Variants in HEXA observed in about 807,000 individuals in gnomAD.
The protein encoded by HEXA is beta-hexosaminidase subunit alpha.
A neutral mutation model predicts 73.3 loss-of-function variants in HEXA; 54 were observed. The observed-to-expected ratio is 0.74, with a 90% CI of 0.59 to 0.92. The LOEUF (loss-of-function observed/expected upper bound fraction) is 0.92. Ranked by LOEUF, HEXA falls within the 40% of genes least tolerant of loss-of-function variation. HEXA has a pLI of 0.00. For missense variants in HEXA, 649 were observed against 653.0 expected, an observed-to-expected ratio of 0.99 and a Z score of 0.07; for synonymous variants, 230 against 246.9, an observed-to-expected ratio of 0.93 and a Z score of 0.64.
intron 1 of HEXA, among the ~76,000 whole-genome samples, chr15:72,367,903 T>C (rs2088938791): frequency 6.6e-6 from 1 of 152,216 alleles, no homozygotes; most frequent in Non-Finnish European, 1.5e-5. Context: ...ACTTTCTCCT[T>C]TTCCCCCCAT....
rs200180873 is a variant in HEXA at position 72,345,417 on chromosome 15, G to A, written c.1526+29C>T. 150 of 1,613,530 alleles carry A rather than the reference G, an allele frequency of 9.3e-5. No individual in the cohort carries two copies. Among genetic ancestry groups the A allele is most frequent in the East Asian group, 3.1e-4 (14 of 44,884 alleles). On this transcript the variant is annotated intron_variant, in intron 13 of 13. Transcript: ENST00000268097. ...CCCAGCCCTGGATCTGGCCTGCTCC[G>A]CCTTGCGAAGGCCCCACAGCTTGCT...
intron 1 of HEXA, among the ~76,000 whole-genome samples, chr15:72,366,384 C>G (rs550031671): frequency 6.6e-6 from 1 of 151,990 alleles, no homozygotes; most frequent in Admixed American, 6.6e-5. Flanking sequence ...TCTCAGCTCA[C>G]TGCAATCTCC....
rs751546658 is a variant in HEXA, at chr15:72,375,953, C to G, written c.20G>C (p.Trp7Ser). ...CGCTGCCGCCAGCAGCAGCGAAAAC[C>G]AAAGCCTGGAGCTTGTCATGGCCCG... MTSSRLWFSLLLAAAFA... is the reference protein window; with the variant it reads MTSSRLSFSLLLAAAFA... The change falls in exon 1 of 14, where the codon TGG (tryptophan) becomes TCG (serine). Residue 7 changes from tryptophan to serine, a missense_variant. Coordinates refer to ENST00000268097, the MANE Select transcript of HEXA (RefSeq NM_000520.6). The G allele has an allele frequency of 6.2e-7, 1 of 1,614,018 alleles. No homozygotes were observed. The highest frequency in any genetic ancestry group is 8.5e-7 in the Non-Finnish European group (1 of 1,180,040).
intron 1 of HEXA, among the ~76,000 whole-genome samples, chr15:72,371,051 G>T (rs1367419282): frequency 6.6e-6 from 1 of 152,150 alleles, no homozygotes; most frequent in African/African-American, 2.4e-5. Flanking sequence ...CGTGGGAAAG[G>T]TTAAAGTATA....
At chr15:72,349,589 G>A (rs1186443909) in intron 7 of HEXA, among the ~76,000 whole-genome samples, 1 of 152,250 alleles carries the variant, frequency 6.6e-6, no homozygotes, top group East Asian at 1.9e-4. Flanking sequence ...TTGAGGCAGA[G>A]AGAGAGCCTA....
At chr15:72,350,786 A>G (rs2088684785) in intron 6 of HEXA, 136 bp from the exon 7 acceptor site, 2 of 897,096 alleles carry the variant, frequency 2.2e-6, no homozygotes, top group South Asian at 2.8e-5. Context: ...ACTATCTTCA[A>G]AAAACTTGAT....
chr15:72,363,635 TC>T (rs2088880588), intron 1 of HEXA, among the ~76,000 whole-genome samples: 1 of 152,158 alleles, frequency 6.6e-6, no homozygotes, highest in Non-Finnish European at 1.5e-5. Context: ...GTTCCAAGAT[TC>T]TTCACCCTCC....
chr15:72,369,701 C>A (rs910923269), intron 1 of HEXA, among the ~76,000 whole-genome samples: 1 of 152,162 alleles, frequency 6.6e-6, no homozygotes, highest in Non-Finnish European at 1.5e-5. Flanking sequence ...CCATGCCCAG[C>A]TTTATTTCTT....
intron 1 of HEXA, among the ~76,000 whole-genome samples, chr15:72,363,791 A>G (rs557748487): frequency 6.6e-6 from 1 of 151,972 alleles, no homozygotes; most frequent in Non-Finnish European, 1.5e-5. Context: ...GTAGTTAAAA[A>G]TTTTCTATTT....
intron 7 of HEXA, 121 bp downstream of exon 7, chr15:72,350,397 C>G (rs189331330): frequency 6.6e-6 from 7 of 1,055,324 alleles, no homozygotes; most frequent in East Asian, 4.7e-5. Context: ...TGGAAGAAGT[C>G]GATGGAAAAC....
Position 72,342,812 on chromosome 15 carries a change from T to A in HEXA, c.*1265A>T, listed in dbSNP as rs942774106. On this transcript the variant is annotated 3_prime_UTR_variant, in exon 14 of 14. Coordinates refer to ENST00000268097, the MANE Select transcript of HEXA (RefSeq NM_000520.6). ...TTCAACAATTTACCACAGGCCCGCG[T>A]GCGGTGGCTCACGCCTCTAATCCCA... 1.3e-5 allele frequency: 2 copies of A among 152,214 alleles called. No homozygotes were observed. Among genetic ancestry groups the A allele is most frequent in the East Asian group, 3.9e-4 (2 of 5,180 alleles). 9.4% of individuals were successfully genotyped at this position (152,214 alleles called of 1,614,324 possible). A position where few individuals can be genotyped will look rare whatever the true frequency, so the allele number is the denominator to read the frequency against.
intron 1 of HEXA, chr15:72,358,867 T>A (rs1484403375): frequency 6.6e-6 from 1 of 152,278 alleles, no homozygotes; most frequent in African/African-American, 2.4e-5. Flanking sequence ...CGCCTCCAAG[T>A]TGCTACTTTG....
At position 72,344,001 on chromosome 15, in the gene HEXA, C is replaced by A; in HGVS notation, c.*76G>T. 1 of 1,300,232 alleles carries A rather than the reference C, an allele frequency of 7.7e-7. No individual in the cohort carries two copies. The allele number at this position is 1,300,232 out of a possible 1,614,324, so 80.5% of individuals were successfully genotyped here. Reference sequence around the variant, plus strand: ...GGGCACGAAGGCAAGGGGCTCCGTCCCCTGGCCAGGATGCAGTGGAAGCCT... The same window carrying A: ...GGGCACGAAGGCAAGGGGCTCCGTCACCTGGCCAGGATGCAGTGGAAGCCT... On this transcript the variant is annotated 3_prime_UTR_variant, in exon 14 of 14. Coordinates refer to ENST00000268097, the MANE Select transcript of HEXA (RefSeq NM_000520.6).
chr15:72,346,242 T>G lies in HEXA; in HGVS notation c.1414A>C (p.Arg472=), dbSNP rs935311629. 9 of 1,613,162 alleles carry G rather than the reference T, an allele frequency of 5.6e-6. No homozygotes were observed. The highest frequency in any genetic ancestry group is 7.6e-6 in the Non-Finnish European group (9 of 1,179,438). ...CCCCCCGAAAACCCTTACCAGAGCC[T>G]GGGGACCAGGTTTGTGTTGTCCACA... is the stretch of plus-strand genomic sequence containing the variant. The part of the protein sequence containing the change: ...EYVDNTNLVP[R]LWPRAGAVAE... Residue 472 remains arginine (R), a synonymous_variant, in exon 12 of 14, where the codon AGG becomes CGG. Coordinates refer to ENST00000268097, the MANE Select transcript of HEXA (RefSeq NM_000520.6).
rs1336841803 is a variant in HEXA, at chr15:72,346,279, C to A, written c.1377G>T (p.Met459Ile). The change falls in exon 12 of 14, where the codon ATG becomes ATT. Residue 459 changes from methionine to isoleucine, a missense_variant. Transcript: ENST00000268097. ...KALVIGGEAC[M>I]WGEYVDNTNL... is the part of the protein sequence containing the mutation. ...TTGTGTTGTCCACATATTCTCCCCA[C>A]ATACAAGCCTCTCCACCAATCACCA... The A allele has an allele frequency of 6.2e-7, 1 of 1,614,102 alleles. No individual in the cohort carries two copies.
At chr15:72,361,498 G>C (rs945969413) in intron 1 of HEXA, among the ~76,000 whole-genome samples, 1 of 152,072 alleles carries the variant, frequency 6.6e-6, no homozygotes, top group Non-Finnish European at 1.5e-5. Flanking sequence ...CTCTTCTTCT[G>C]GAGCTCTAGA....
chr15:72,345,048 T>C (rs1419648113), intron 13 of HEXA, among the ~76,000 whole-genome samples: 2 of 152,170 alleles, frequency 1.3e-5, no homozygotes, highest in Non-Finnish European at 2.9e-5. Context: ...CAAAATACAG[T>C]TGTCCCTCAG....
chr15:72,362,174 C>T (rs1212766294), intron 1 of HEXA, among the ~76,000 whole-genome samples: 2 of 152,184 alleles, frequency 1.3e-5, no homozygotes, highest in South Asian at 2.1e-4. Flanking sequence ...GCACATATTG[C>T]TTCCTCCAAT....
At chr15:72,351,059 G>T in intron 6 of HEXA, 74 bp downstream of exon 6, 1 of 981,084 alleles carries the variant, frequency 1.0e-6, no homozygotes, top group Non-Finnish European at 1.6e-6. Context: ...GAGAGACCCT[G>T]TTCTTGCCAG....
Sources: gnomAD v4.1 joint callset for allele counts (sites outside exome capture counted in the v4.1 genomes callset) on GRCh38, gnomAD v4.1.1 for gene constraint, MANE v1.5 for transcripts, NCBI Gene and HGNC (gene_info 2026-07-23, HGNC 2026-07-21) for gene names.